Variants in NEDD4L observed in about 807,000 individuals in gnomAD.
NEDD4L encodes the protein E3 ubiquitin-protein ligase NEDD4-like.
Under a neutral mutation model 148.9 loss-of-function variants are expected in NEDD4L, and 54 were observed. The ratio of observed to expected loss-of-function variants is 0.36; its 90% CI spans 0.29 to 0.45. The LOEUF is 0.45. Ranked by LOEUF, NEDD4L falls within the 20% of genes least tolerant of loss-of-function variation. The probability of loss-of-function intolerance (pLI) is 1.00; values close to 1 mark genes in which losing one functional copy is unlikely to be tolerated. For synonymous variants in NEDD4L, 433 were observed against 440.7 expected (o/e 0.98, Z 0.22); for missense variants, 856 against 1,233.8 (o/e 0.69, Z 4.59).
At position 58,256,613 on chromosome 18, in the gene NEDD4L, A is replaced by G. The variant is rs1230059462; in HGVS notation, c.297+4559A>G. On this transcript the variant is annotated intron_variant, in intron 5 of 30. Transcript: ENST00000400345. The surrounding 1 kb of genome is among the most constrained non-coding windows in gnomAD (Gnocchi z 5.2). Reference sequence around the variant, plus strand: ...AATCCGCAGGACGAACTCCGCGGAGAGGACTCCGCAGGGCCAGGGGTGCAC... The same window carrying G: ...AATCCGCAGGACGAACTCCGCGGAGGGGACTCCGCAGGGCCAGGGGTGCAC... The G allele has an allele frequency of 8.1e-7, 1 of 1,232,202 alleles. No individual in the cohort carries two copies. Among genetic ancestry groups the G allele is most frequent in the East Asian group, 3.2e-5 (1 of 31,688 alleles). 76.3% of individuals were successfully genotyped at this position (1,232,202 alleles called of 1,614,324 possible).
intron 5 of NEDD4L, among the ~76,000 whole-genome samples, chr18:58,311,977 TCTTA>T (rs1187205463): frequency 2.0e-5 from 3 of 152,224 alleles, no homozygotes; most frequent in African/African-American, 4.8e-5. Context: ...GTCCCCTCCT[TCTTA>T]CTTAGTAGTG....
Position 58,256,787 on chromosome 18 carries a change from C to T in NEDD4L, c.297+4733C>T, listed in dbSNP as rs185872577. On this transcript the variant is annotated intron_variant, in intron 5 of 30. Coordinates refer to ENST00000400345, the MANE Select transcript of NEDD4L (RefSeq NM_001144967.3). The surrounding 1 kb of genome is among the most constrained non-coding windows in gnomAD (Gnocchi z 5.2). ...AGCTGACACCACGGTAAGTTCACAGCGTGTTTACATGTGTTTACTGATTTC... is the reference window on the plus strand; with the variant it reads ...AGCTGACACCACGGTAAGTTCACAGTGTGTTTACATGTGTTTACTGATTTC... 2.1e-3 allele frequency: 2,610 copies of T among 1,231,702 alleles called. 7 individuals are homozygous for T. Among genetic ancestry groups the T allele is most frequent in the Admixed American group, 3.8e-3 (91 of 23,716 alleles). 76.3% of individuals were successfully genotyped at this position (1,231,702 alleles called of 1,614,324 possible).
intron 30 of NEDD4L, among the ~76,000 whole-genome samples, chr18:58,392,505 C>A (rs529121727): frequency 4.7e-4 from 71 of 152,182 alleles, no homozygotes; most frequent in African/African-American, 1.6e-3. Context: ...TTTTTCACTT[C>A]TGTCGGATTC....
At chr18:58,193,252 T>A (rs1404725823) in intron 2 of NEDD4L, among the ~76,000 whole-genome samples, 2 of 152,254 alleles carry the variant, frequency 1.3e-5, no homozygotes, top group Non-Finnish European at 2.9e-5. Context: ...ATACCAATCA[T>A]ATACTTAATT....
At chr18:58,304,638 C>G (rs1226628666) in intron 5 of NEDD4L, among the ~76,000 whole-genome samples, 1 of 152,196 alleles carries the variant, frequency 6.6e-6, no homozygotes, top group African/African-American at 2.4e-5. Flanking sequence ...ATTGAGAAAC[C>G]TTCCTTTGGT....
At chr18:58,141,126 A>G (rs2033448067) in intron 1 of NEDD4L, among the ~76,000 whole-genome samples, 1 of 152,186 alleles carries the variant, frequency 6.6e-6, no homozygotes, top group Non-Finnish European at 1.5e-5. Context: ...TGGCCACGCC[A>G]TGGGCACCCA....
chr18:58,197,079 G>T (rs965603460), intron 2 of NEDD4L, among the ~76,000 whole-genome samples: 7 of 152,252 alleles, frequency 4.6e-5, no homozygotes, highest in African/African-American at 1.7e-4. Context: ...ACTTCTCGTT[G>T]TGCTTGAGAA....
chr18:58,341,246 GTTTATGTA>G, intron 14 of NEDD4L, 77 bp downstream of exon 14: 1 of 1,507,430 alleles, frequency 6.6e-7, no homozygotes, highest in Non-Finnish European at 9.0e-7. Context: ...CTTTCCTGGT[GTTTATGTA>G]TTGTTCTGAA....
In NEDD4L at chr18:58,114,340, T is replaced by TA. The variant is rs747426397; in HGVS notation, c.49-51440dup. Among the ~76,000 whole-genome samples the TA allele has an allele frequency of 1.3e-4, 19 of 150,024 alleles. No homozygotes were observed. In the East Asian group the frequency reaches 1.4e-3, roughly 11 times the overall value. Reference sequence around the variant, plus strand: ...TGCTTTTGGAATCCATTGGGAGATTTAAAAAAAATATATATATATATACAC... The same window carrying TA: ...TGCTTTTGGAATCCATTGGGAGATTTAAAAAAAAATATATATATATATACAC... On this transcript the variant is annotated intron_variant, in intron 1 of 30. Coordinates refer to ENST00000400345, the MANE Select transcript of NEDD4L (RefSeq NM_001144967.3).
chr18:58,389,378 G>A (rs2049485730), intron 28 of NEDD4L, 186 bp downstream of exon 28: 2 of 521,320 alleles, frequency 3.8e-6, no homozygotes, highest in Non-Finnish European at 3.4e-6. Flanking sequence ...CTCTGTAACT[G>A]TAGCAGACAG....
intron 5 of NEDD4L, among the ~76,000 whole-genome samples, chr18:58,288,032 A>C (rs970664760): frequency 1.5e-4 from 23 of 152,254 alleles, no homozygotes; most frequent in African/African-American, 5.5e-4. Flanking sequence ...GTCAAGTTAC[A>C]GTAGAACTTT....
At chr18:58,250,606 C>G (rs143655371) in intron 4 of NEDD4L, among the ~76,000 whole-genome samples, 3 of 152,126 alleles carry the variant, frequency 2.0e-5, no homozygotes, top group Admixed American at 6.5e-5. Context: ...GACCACGGAC[C>G]AGAAGCACAA....
In NEDD4L at chr18:58,047,127, C is replaced by T. The variant is rs575940471; in HGVS notation, c.48+2419C>T. 6.2e-5 allele frequency: 26 copies of T among 416,836 alleles called. No individual in the cohort carries two copies. The Admixed American group carries it at 1.5e-3, about 24-fold the overall frequency. The allele number at this position is 416,836 out of a possible 1,614,324, so 25.8% of individuals were successfully genotyped here. On this transcript the variant is annotated intron_variant, in intron 1 of 30. Transcript: ENST00000400345. ...TAGCAGGCTCTGAAAGTAGAATGCC[C>T]GCTGAAGCAAACGGCAGGGTTGTTC...
At chr18:58,098,914 G>A (rs1048861614) in intron 1 of NEDD4L, among the ~76,000 whole-genome samples, 5 of 152,176 alleles carry the variant, frequency 3.3e-5, no homozygotes, top group Admixed American at 1.3e-4. Flanking sequence ...ACAGGGTTTC[G>A]TCAGTAAATG....
chr18:58,216,395 C>G (rs766291931), intron 2 of NEDD4L, among the ~76,000 whole-genome samples: 6 of 152,002 alleles, frequency 3.9e-5, no homozygotes, highest in Non-Finnish European at 8.8e-5. Flanking sequence ...TGGAGAGTTG[C>G]AAGAAAGGAG....
At chr18:58,067,054 C>T (rs182192337) in intron 1 of NEDD4L, among the ~76,000 whole-genome samples, 176 of 152,272 alleles carry the variant, frequency 1.2e-3, no homozygotes, top group Non-Finnish European at 2.0e-3. Context: ...ATTAGCTTAT[C>T]AATTTAAATG....
chr18:58,398,130 G>C lies in NEDD4L; in HGVS notation c.*1861G>C, dbSNP rs780766076. 1 of 109,386 alleles carries C rather than the reference G, an allele frequency of 9.1e-6. No individual in the cohort carries two copies. The highest frequency in any genetic ancestry group is 1.7e-5 in the Non-Finnish European group (1 of 58,400). 6.8% of individuals were successfully genotyped at this position (109,386 alleles called of 1,614,324 possible). ...TATTGGTTGAAAATTACCTGGTAGT[G>C]ATCAGAAAACTTAGATGCTATGTAA... On this transcript the variant is annotated 3_prime_UTR_variant, in exon 31 of 31. Coordinates refer to ENST00000400345, the MANE Select transcript of NEDD4L (RefSeq NM_001144967.3).
intron 2 of NEDD4L, among the ~76,000 whole-genome samples, chr18:58,229,082 A>C (rs1300650569): frequency 6.6e-6 from 1 of 152,166 alleles, no homozygotes; most frequent in Non-Finnish European, 1.5e-5. Flanking sequence ...GACTTTGCTA[A>C]CCATGGAAGA....
intron 1 of NEDD4L, among the ~76,000 whole-genome samples, chr18:58,099,550 T>TA (rs1486302421): frequency 3.9e-5 from 6 of 152,194 alleles, no homozygotes; most frequent in African/African-American, 1.4e-4. Context: ...TATTTCCTGT[T>TA]AGAGTGGGAT....
Sources: gnomAD v4.1 joint callset for allele counts (sites outside exome capture counted in the v4.1 genomes callset) on GRCh38, gnomAD v4.1.1 for gene constraint, Gnocchi (gnomAD v3.1) non-coding constraint, MANE v1.5 for transcripts, NCBI Gene and HGNC (gene_info 2026-07-23, HGNC 2026-07-21) for gene names.